Variants in GCNT2 observed in about 807,000 individuals in gnomAD.
GCNT2 encodes the protein glucosaminyl (N-acetyl) transferase 2 (I blood group), also known as N-acetyllactosaminide beta-1,6-N-acetylglucosaminyl-transferase.
In GCNT2, 34 loss-of-function variants were observed where a neutral mutation model predicts 34.2. The ratio of observed to expected loss-of-function variants is 1.00; its 90% CI spans 0.76 to 1.32. The LOEUF (loss-of-function observed/expected upper bound fraction) is 1.32, where lower values mean the gene tolerates loss of function less well. GCNT2 is among the 40% of genes most tolerant of loss of function. The probability of loss-of-function intolerance (pLI) is 0.00; values close to 1 mark genes in which losing one functional copy is unlikely to be tolerated. For missense variants in GCNT2, 584 were observed against 489.4 expected (o/e 1.19, Z -1.82); for synonymous variants, 212 against 188.0 (o/e 1.13, Z -1.04).
intron 3 of GCNT2, chr6:10,573,161 A>G (rs1454325645): frequency 5.4e-6 from 5 of 934,528 alleles, no homozygotes; most frequent in Non-Finnish European, 6.2e-6. Context: ...GGGATGTTCT[A>G]GATATGGATC....
chr6:10,536,772 C>T (rs1270862869), intron 3 of GCNT2, among the ~76,000 whole-genome samples: 1 of 147,372 alleles, frequency 6.8e-6, no homozygotes, highest in Non-Finnish European at 1.5e-5. Context: ...GGCGCAATCT[C>T]GGCTCACTGC....
intron 3 of GCNT2, among the ~76,000 whole-genome samples, chr6:10,538,265 A>G (rs530596391): frequency 6.6e-6 from 1 of 151,488 alleles, no homozygotes; most frequent in South Asian, 2.1e-4. Context: ...AAAATTAGCC[A>G]GGCATGGTGG....
intron 3 of GCNT2, among the ~76,000 whole-genome samples, chr6:10,567,603 A>G (rs913480936): frequency 3.7e-4 from 57 of 152,188 alleles, no homozygotes; most frequent in African/African-American, 1.4e-3. Context: ...TAAGATGTAT[A>G]GCTACTGTAC....
intron 3 of GCNT2, among the ~76,000 whole-genome samples, chr6:10,593,045 T>C (rs1181846630): frequency 6.6e-6 from 1 of 152,224 alleles, no homozygotes; most frequent in Non-Finnish European, 1.5e-5. Flanking sequence ...CCAGCCTTAA[T>C]TAGCTGTTAA....
intron 3 of GCNT2, among the ~76,000 whole-genome samples, chr6:10,588,101 G>A (rs1276753857): frequency 6.6e-6 from 1 of 152,116 alleles, no homozygotes; most frequent in African/African-American, 2.4e-5. Flanking sequence ...CTAGAGTGGT[G>A]GTCACAAAAA....
chr6:10,532,727 G>A (rs541093485), intron 3 of GCNT2, among the ~76,000 whole-genome samples: 4 of 152,056 alleles, frequency 2.6e-5, no homozygotes, highest in African/African-American at 7.2e-5. Flanking sequence ...CCTCAGCCTC[G>A]TGAGCCACCA....
chr6:10,626,575 G>GA lies in GCNT2; in HGVS notation c.1180dup (p.Thr394AsnfsTer14). On this transcript the variant is annotated frameshift_variant, in exon 5 of 5. Coordinates refer to ENST00000495262, the MANE Select transcript of GCNT2 (RefSeq NM_145649.5). LOFTEE classifies it high-confidence loss of function. ...TCGCGAAAGAACCCTCAATCAGAGT[G>GA]AAACTGCGATACAACCCAGCTGGTA... The GA allele has an allele frequency of 4.3e-6, 7 of 1,613,962 alleles. No individual in the cohort carries two copies. The highest frequency in any genetic ancestry group is 5.9e-6 in the Non-Finnish European group (7 of 1,179,832).
intron 3 of GCNT2, among the ~76,000 whole-genome samples, chr6:10,616,137 G>A (rs1357666778): frequency 2.0e-5 from 3 of 149,970 alleles, no homozygotes; most frequent in Non-Finnish European, 4.5e-5. Flanking sequence ...TGGTGGGTTC[G>A]TGGTCTCGCT....
Position 10,529,517 on chromosome 6 carries a change from A to C in GCNT2, c.606A>C (p.Glu202Asp). 1 of 1,614,150 alleles carries C rather than the reference A, an allele frequency of 6.2e-7. No individual in the cohort carries two copies. The highest frequency in any genetic ancestry group is 2.2e-5 in the East Asian group (1 of 44,882). The change falls in exon 3 of 5, where the codon GAA becomes GAC. Residue 202 changes from glutamate (E) to aspartate (D), a missense_variant. Transcript: ENST00000495262. The stretch of plus-strand genomic sequence containing the variant: ...ACTTTCCCCTGAAAACCAACAGGGA[A>C]ATAGTTCAGTATCTGAAGGGATTTA... ...GQDFPLKTNR[E>D]IVQYLKGFKG...
At chr6:10,601,978 C>G (rs1765111137) in intron 3 of GCNT2, among the ~76,000 whole-genome samples, 2 of 151,160 alleles carry the variant, frequency 1.3e-5, no homozygotes, top group African/African-American at 4.9e-5. Flanking sequence ...AACACTAAAG[C>G]CCTTGATGCC....
intron 3 of GCNT2, among the ~76,000 whole-genome samples, chr6:10,536,533 T>C (rs1371071976): frequency 6.6e-6 from 1 of 150,598 alleles, no homozygotes; most frequent in African/African-American, 2.4e-5. Context: ...TTTTTGTATA[T>C]TTAGTAGAGA....
intron 3 of GCNT2, among the ~76,000 whole-genome samples, chr6:10,588,209 G>A (rs1190935837): frequency 6.6e-6 from 1 of 152,202 alleles, no homozygotes; most frequent in Non-Finnish European, 1.5e-5. Flanking sequence ...ATGCTAAACT[G>A]TCAGGTCACA....
chr6:10,547,397 A>G (rs944254390), intron 3 of GCNT2, among the ~76,000 whole-genome samples: 1 of 152,140 alleles, frequency 6.6e-6, no homozygotes, highest in Non-Finnish European at 1.5e-5. Flanking sequence ...TTTGGCCATC[A>G]TATCTCTTTA....
intron 3 of GCNT2, among the ~76,000 whole-genome samples, chr6:10,574,292 G>A (rs910814242): frequency 2.0e-5 from 3 of 152,088 alleles, no homozygotes; most frequent in Non-Finnish European, 4.4e-5. Flanking sequence ...TGGGCATCAG[G>A]ACAACATATA....
At chr6:10,563,775 AAAATATATATATAT>A (rs1430338116) in intron 3 of GCNT2, among the ~76,000 whole-genome samples, 530 of 30,438 alleles carry the variant, frequency 0.017, no homozygotes, top group African/African-American at 0.065. Flanking sequence ...AAAAAAAAAA[AAAATATATATATAT>A]ATATATATAT....
chr6:10,609,301 A>C (rs1765453785), intron 3 of GCNT2, among the ~76,000 whole-genome samples: 1 of 152,220 alleles, frequency 6.6e-6, no homozygotes, highest in Non-Finnish European at 1.5e-5. Context: ...CATGGCATAA[A>C]GTGGAAGGGC....
At chr6:10,590,529 C>T (rs1297224454) in intron 3 of GCNT2, among the ~76,000 whole-genome samples, 1 of 151,258 alleles carries the variant, frequency 6.6e-6, no homozygotes, top group Non-Finnish European at 1.5e-5. Context: ...CCAGCAACTA[C>T]TTGGCCCCAC....
At position 10,529,708 on chromosome 6, in the gene GCNT2, A is replaced by G. The variant is rs749451195; in HGVS notation, c.797A>G (p.Tyr266Cys). ...ATGGTGATTTACTTTGGCACGGCCTACGTGGCTCTCACAAGGGACTTTGCT... is the reference window on the plus strand; with the variant it reads ...ATGGTGATTTACTTTGGCACGGCCTGCGTGGCTCTCACAAGGGACTTTGCT... ...HDMVIYFGTA[Y>C]VALTRDFANF... Residue 266 changes from tyrosine (Y) to cysteine (C), a missense_variant, in exon 3 of 5, where the codon TAC (tyrosine) becomes TGC (cysteine). By Grantham distance (194) the Tyr-to-Cys change is radical. Transcript: ENST00000495262. The G allele has an allele frequency of 1.8e-5, 29 of 1,614,128 alleles. No individual in the cohort carries two copies. Among genetic ancestry groups the G allele is most frequent in the Non-Finnish European group, 2.3e-5 (27 of 1,179,988 alleles).
intron 4 of GCNT2, among the ~76,000 whole-genome samples, chr6:10,622,033 C>T (rs1766058163): frequency 6.6e-6 from 1 of 152,194 alleles, no homozygotes; most frequent in Non-Finnish European, 1.5e-5. Context: ...GTCCCTGCTC[C>T]CCCTACAGGC....
Sources: allele counts gnomAD v4.1 joint callset (sites outside exome capture counted in the v4.1 genomes callset), GRCh38; gene constraint gnomAD v4.1.1; transcripts MANE v1.5; gene names NCBI Gene and HGNC (gene_info 2026-07-23, HGNC 2026-07-21).